USP43: variants seen among roughly 807,000 people sequenced by gnomAD.
USP43 encodes the protein ubiquitin specific peptidase 43, also known as ubiquitin carboxyl-terminal hydrolase 43.
Under a neutral mutation model 90.7 loss-of-function variants are expected in USP43, and 33 were observed. The ratio of observed to expected loss-of-function variants is 0.36; its 90% CI spans 0.28 to 0.49. The LOEUF is 0.49. Ranked by LOEUF, USP43 falls within the 20% of genes least tolerant of loss-of-function variation. The pLI, the probability that USP43 is intolerant of heterozygous loss-of-function variation, is 0.98. For synonymous variants in USP43, 598 were observed against 615.8 expected (o/e 0.97, Z 0.43); for missense variants, 1,274 against 1,476.4 (o/e 0.86, Z 2.25).
chr17:9,649,777 G>T (rs1293307534), intron 1 of USP43, among the ~76,000 whole-genome samples: 1 of 151,256 alleles, frequency 6.6e-6, no homozygotes, highest in Non-Finnish European at 1.5e-5. Flanking sequence ...ACGTTTCAAG[G>T]TATATACAAA....
chr17:9,711,857 T>C, intron 13 of USP43, 111 bp from the exon 14 acceptor site: 2 of 1,271,202 alleles, frequency 1.6e-6, no homozygotes, highest in East Asian at 2.8e-5. Context: ...GGTTCTGTAG[T>C]TCTGGGGCTG....
chr17:9,681,117 C>G (rs866736861), intron 6 of USP43, among the ~76,000 whole-genome samples: 15 of 79,496 alleles, frequency 1.9e-4, no homozygotes, highest in East Asian at 1.4e-3. Context: ...ATAATATATA[C>G]TATATAATAT....
In USP43 at chr17:9,657,054, A is replaced by G. The variant is rs77833308; in HGVS notation, c.636+520A>G. Reference sequence around the variant, plus strand: ...GAGGAAAGCACTACAATCATTTGTCATAAGCACAGCTAATTGATACATCAG... The same window carrying G: ...GAGGAAAGCACTACAATCATTTGTCGTAAGCACAGCTAATTGATACATCAG... On this transcript the variant is annotated intron_variant, in intron 2 of 14. Coordinates refer to ENST00000285199, the MANE Select transcript of USP43 (RefSeq NM_153210.5). Among the ~76,000 whole-genome samples, 522 of 152,342 alleles carry G rather than the reference A, an allele frequency of 3.4e-3. 5 individuals are homozygous for G. In the East Asian group the frequency reaches 0.039, roughly 12 times the overall value.
At chr17:9,680,766 G>C (rs79247656) in intron 6 of USP43, among the ~76,000 whole-genome samples, 1 of 151,954 alleles carries the variant, frequency 6.6e-6, no homozygotes, top group Admixed American at 6.6e-5. Context: ...CATCTTTGCC[G>C]TCAGGATTCC....
rs764301057 is a variant in USP43, at chr17:9,728,901, G to C, written c.3283G>C (p.Glu1095Gln). 5 of 1,613,226 alleles carry C rather than the reference G, an allele frequency of 3.1e-6. No homozygotes were observed. In the South Asian group the frequency reaches 5.5e-5, roughly 18 times the overall value. The change falls in exon 15 of 15, where the codon GAG becomes CAG. Residue 1095 changes from glutamate (E) to glutamine (Q), a missense_variant. Glu to Gln is a conservative substitution (Grantham distance 29). Transcript: ENST00000285199. This position sits in a 1 kb window ranked among gnomAD's most constrained non-coding sequence, Gnocchi z 6.2. ...LGMSQRTVPG[E>Q]QASYGTFQRV... ...CATGTCACAAAGGACTGTTCCAGGG[G>C]AGCAGGCTTCTTATGGCACCTTTCA...
chr17:9,726,642 C>G (rs1262297158), intron 14 of USP43, among the ~76,000 whole-genome samples: 2 of 152,136 alleles, frequency 1.3e-5, no homozygotes, highest in Non-Finnish European at 2.9e-5. Context: ...TAATTACCAC[C>G]CAGCAGCATC....
chr17:9,653,524 G>T (rs1441192478), intron 1 of USP43, among the ~76,000 whole-genome samples: 3 of 151,948 alleles, frequency 2.0e-5, no homozygotes, highest in African/African-American at 2.4e-5. Context: ...GGAGACCAAG[G>T]TTGCAGTGAG....
intron 5 of USP43, among the ~76,000 whole-genome samples, chr17:9,677,218 G>A (rs274908): frequency 0.034 from 5,222 of 152,224 alleles, 159 homozygotes; most frequent in East Asian, 0.09. Flanking sequence ...AATCACAGGC[G>A]TCCTGTGAAG....
intron 8 of USP43, among the ~76,000 whole-genome samples, chr17:9,691,270 A>G (rs1476885876): frequency 1.3e-5 from 2 of 150,014 alleles, no homozygotes; most frequent in Non-Finnish European, 2.9e-5. Context: ...ACCCGCCACC[A>G]CACCTGGCTA....
intron 13 of USP43, among the ~76,000 whole-genome samples, chr17:9,710,401 C>T (rs1916119165): frequency 6.6e-6 from 1 of 151,558 alleles, no homozygotes; most frequent in African/African-American, 2.4e-5. Context: ...ACTCATATCA[C>T]AGCAGGTTTT....
intron 10 of USP43, among the ~76,000 whole-genome samples, chr17:9,700,563 A>T (rs1915511713): frequency 6.6e-6 from 1 of 152,174 alleles, no homozygotes; most frequent in African/African-American, 2.4e-5. Context: ...TCATGTGTGT[A>T]TAGGGGATTT....
chr17:9,685,147 C>T (rs1290442685), intron 7 of USP43, among the ~76,000 whole-genome samples: 3 of 152,182 alleles, frequency 2.0e-5, no homozygotes, highest in Non-Finnish European at 2.9e-5. Flanking sequence ...CGCACAGTGC[C>T]CTTGCCTGTC....
chr17:9,726,802 C>A (rs1435257336), intron 14 of USP43, among the ~76,000 whole-genome samples: 1 of 152,206 alleles, frequency 6.6e-6, no homozygotes, highest in Non-Finnish European at 1.5e-5. Flanking sequence ...GGTCACCCTG[C>A]AACCTTTCTC....
At chr17:9,684,242 G>A (rs978466805) in intron 7 of USP43, among the ~76,000 whole-genome samples, 1 of 152,132 alleles carries the variant, frequency 6.6e-6, no homozygotes. Context: ...TCAGGAGGCT[G>A]TAAAGGAAAA....
At chr17:9,722,664 C>A (rs895248877) in intron 14 of USP43, among the ~76,000 whole-genome samples, 1 of 152,172 alleles carries the variant, frequency 6.6e-6, no homozygotes, top group African/African-American at 2.4e-5. Context: ...AAGGTGCTCT[C>A]TTTCACCACT....
intron 14 of USP43, 119 bp from the exon 15 acceptor site, chr17:9,727,835 C>A: frequency 8.7e-7 from 1 of 1,145,146 alleles, no homozygotes; most frequent in Non-Finnish European, 1.2e-6. Context: ...TTCTTCACTG[C>A]TGTGTCTCCA....
intron 6 of USP43, among the ~76,000 whole-genome samples, 171 bp from the exon 7 acceptor site, chr17:9,682,652 A>G (rs553222127): frequency 5.2e-4 from 79 of 152,284 alleles, no homozygotes; most frequent in African/African-American, 1.8e-3. Flanking sequence ...CAGGCGTCAG[A>G]TGGCACAAAT....
At chr17:9,661,135 C>A (rs2151965768) in intron 2 of USP43, among the ~76,000 whole-genome samples, 1 of 152,174 alleles carries the variant, frequency 6.6e-6, no homozygotes, top group South Asian at 2.1e-4. Context: ...ATTTACTGAT[C>A]CTCAAATGTT....
rs539233393 is a variant in USP43 at position 9,693,695 on chromosome 17, G to T, written c.1457+465G>T. On this transcript the variant is annotated intron_variant, in intron 9 of 14. Coordinates refer to ENST00000285199, the MANE Select transcript of USP43 (RefSeq NM_153210.5). ...TACTAAAAATACAAAAAAATTAGCC[G>T]GTCGTGGTAGCACGCGCCTATAATC... Among the ~76,000 whole-genome samples the T allele has an allele frequency of 4.6e-5, 7 of 152,058 alleles. No homozygotes were observed. The South Asian group carries it at 1.5e-3, about 32-fold the overall frequency.
Sources: allele counts gnomAD v4.1 joint callset (sites outside exome capture counted in the v4.1 genomes callset), GRCh38; gene constraint gnomAD v4.1.1; non-coding constraint Gnocchi (gnomAD v3.1); transcripts MANE v1.5; gene names NCBI Gene and HGNC (gene_info 2026-07-23, HGNC 2026-07-21).